ADAM12: variants seen among roughly 807,000 people sequenced by gnomAD.
ADAM12 encodes ADAM metallopeptidase domain 12.
A neutral mutation model predicts 106.4 loss-of-function variants in ADAM12; 70 were observed. The ratio of observed to expected loss-of-function variants is 0.66; its 90% CI spans 0.54 to 0.80. The LOEUF (loss-of-function observed/expected upper bound fraction) is 0.80, where lower values mean the gene tolerates loss of function less well. Ranked by LOEUF, ADAM12 falls within the 30% of genes least tolerant of loss-of-function variation. The pLI is 0.00. For synonymous variants in ADAM12, 420 were observed against 433.5 expected (o/e 0.97, Z 0.39); for missense variants, 1,010 against 1,171.9 (o/e 0.86, Z 2.02).
intron 5 of ADAM12, among the ~76,000 whole-genome samples, chr10:126,119,597 GA>G (rs1354398541): frequency 6.6e-6 from 1 of 152,120 alleles, no homozygotes; most frequent in East Asian, 1.9e-4. Context: ...ACATTTCTGG[GA>G]ATGACAATAA....
chr10:126,144,619 G>T (rs1056683094), intron 4 of ADAM12, among the ~76,000 whole-genome samples: 1 of 152,164 alleles, frequency 6.6e-6, no homozygotes, highest in African/African-American at 2.4e-5. Context: ...ATGCACACGG[G>T]GGGGTTAGCA....
At chr10:126,375,225 G>A (rs1435559235) in intron 1 of ADAM12, among the ~76,000 whole-genome samples, 1 of 151,218 alleles carries the variant, frequency 6.6e-6, no homozygotes, top group East Asian at 1.9e-4. Flanking sequence ...ATCCAGAAGT[G>A]GAAGTGGTTT....
At chr10:126,121,121 AG>A (rs369879708) in intron 5 of ADAM12, among the ~76,000 whole-genome samples, 5 of 36,452 alleles carry the variant, frequency 1.4e-4, no homozygotes, top group Non-Finnish European at 2.6e-4. Flanking sequence ...GTATATATAT[AG>A]TATATATACT....
intron 3 of ADAM12, among the ~76,000 whole-genome samples, chr10:126,248,270 A>G (rs1029458913): frequency 6.6e-6 from 1 of 152,200 alleles, no homozygotes; most frequent in African/African-American, 2.4e-5. Flanking sequence ...CTCGGAATGA[A>G]CAAATGAACT....
chr10:126,020,018 C>T (rs911927236), intron 21 of ADAM12, among the ~76,000 whole-genome samples, 193 bp from the exon 22 acceptor site: 3 of 152,134 alleles, frequency 2.0e-5, no homozygotes, highest in Admixed American at 6.5e-5. Flanking sequence ...ATCCATGGAT[C>T]GTAGTTATAA....
chr10:126,198,299 G>A (rs771455179), intron 3 of ADAM12, among the ~76,000 whole-genome samples: 1 of 152,200 alleles, frequency 6.6e-6, no homozygotes, highest in Non-Finnish European at 1.5e-5. Context: ...GGGAGGTCAC[G>A]CTATCAGGAA....
intron 1 of ADAM12, among the ~76,000 whole-genome samples, chr10:126,355,814 T>C (rs1179674915): frequency 6.6e-6 from 1 of 152,150 alleles, no homozygotes; most frequent in African/African-American, 2.4e-5. Context: ...CAGATACTGG[T>C]GATATCTCTG....
At chr10:126,156,534 C>T (rs376575187) in intron 3 of ADAM12, among the ~76,000 whole-genome samples, 7 of 152,320 alleles carry the variant, frequency 4.6e-5, no homozygotes, top group African/African-American at 1.7e-4. Flanking sequence ...CCCTGAGGAG[C>T]GTAATTTCAT....
At chr10:126,018,821 T>G (rs548040804) in intron 22 of ADAM12, among the ~76,000 whole-genome samples, 1 of 152,162 alleles carries the variant, frequency 6.6e-6, no homozygotes, top group Non-Finnish European at 1.5e-5. Context: ...TTGTCCCTGT[T>G]TTCCCAGTGT....
chr10:126,042,202 T>C, intron 18 of ADAM12: 6 of 1,613,832 alleles, frequency 3.7e-6, no homozygotes, highest in Non-Finnish European at 5.1e-6. Flanking sequence ...CTGGCCGCGC[T>C]CCCTGTTGGA....
chr10:126,109,924 A>C (rs1955839834), intron 6 of ADAM12, 84 bp from the exon 7 acceptor site: 1 of 1,373,224 alleles, frequency 7.3e-7, no homozygotes, highest in East Asian at 2.3e-5. Context: ...TAAACACTTT[A>C]GGTTGAGAAT....
chr10:126,360,021 G>C (rs955210527), intron 1 of ADAM12, among the ~76,000 whole-genome samples: 5 of 152,202 alleles, frequency 3.3e-5, no homozygotes, highest in African/African-American at 1.2e-4. Flanking sequence ...AAGATGCCAA[G>C]GTTTGGGGCT....
intron 3 of ADAM12, among the ~76,000 whole-genome samples, chr10:126,263,221 G>A (rs951847073): frequency 2.0e-5 from 3 of 152,212 alleles, no homozygotes; most frequent in African/African-American, 7.2e-5. Context: ...TCTGGTTAAA[G>A]TGAGAACATA....
intron 1 of ADAM12, among the ~76,000 whole-genome samples, chr10:126,375,443 G>A (rs1019518625): frequency 1.3e-5 from 2 of 151,946 alleles, no homozygotes; most frequent in Non-Finnish European, 2.9e-5. Context: ...AAAACAGGAG[G>A]CACAATGAAG....
intron 4 of ADAM12, among the ~76,000 whole-genome samples, chr10:126,144,882 C>T (rs1956597099): frequency 6.6e-6 from 1 of 152,166 alleles, no homozygotes; most frequent in African/African-American, 2.4e-5. Context: ...TTCATCGTCA[C>T]ATCCCACAGC....
intron 2 of ADAM12, among the ~76,000 whole-genome samples, chr10:126,299,059 T>A (rs1590749609): frequency 6.6e-6 from 1 of 152,272 alleles, no homozygotes; most frequent in East Asian, 1.9e-4. Context: ...GCTTGGAGAT[T>A]GTAGGAAGGA....
Position 126,039,288 on chromosome 10 carries a change from G to A in ADAM12, c.2240+6C>T, listed in dbSNP as rs1954117079. 1 of 1,613,580 alleles carries A rather than the reference G, an allele frequency of 6.2e-7. No homozygotes were observed. The highest frequency in any genetic ancestry group is 8.5e-7 in the Non-Finnish European group (1 of 1,179,722). On this transcript the variant is annotated splice_donor_region_variant and intron_variant, in intron 19 of 22. Transcript: ENST00000448723. Reference sequence around the variant, plus strand: ...TAGAACAGATGACAAGCTAAACCCAGGGTACCTTAGTTTTTCAATGGTGGT... The same window carrying A: ...TAGAACAGATGACAAGCTAAACCCAAGGTACCTTAGTTTTTCAATGGTGGT...
chr10:126,290,355 C>T (rs1175500262), intron 2 of ADAM12, among the ~76,000 whole-genome samples: 19 of 152,060 alleles, frequency 1.2e-4, no homozygotes, highest in Non-Finnish European at 1.5e-5. Flanking sequence ...CCAACCATGC[C>T]CACTGGGCTT....
rs1565033431 is a variant in ADAM12, at chr10:126,071,526, C to T, written c.1274G>A (p.Gly425Glu). 6.2e-7 allele frequency: 1 copy of T among 1,614,160 alleles called. No individual in the cohort carries two copies. Among genetic ancestry groups the T allele is most frequent in the Non-Finnish European group, 8.5e-7 (1 of 1,180,032 alleles). The change falls in exon 12 of 23, where the codon GGG (glycine) becomes GAG (glutamate). Residue 425 changes from glycine to glutamate, a missense_variant. Coordinates refer to ENST00000448723, the MANE Select transcript of ADAM12 (RefSeq NM_001288973.2). ...CTCTCCTTCTTCCACAAATCTGTTC[C>T]CACACTTCTGGCCCCCGAAAGACTC... The part of the protein sequence containing the change: ...VRESFGGQKC[G>E]NRFVEEGEEC...
Sources: gnomAD v4.1 joint callset for allele counts (sites outside exome capture counted in the v4.1 genomes callset) on GRCh38, gnomAD v4.1.1 for gene constraint, MANE v1.5 for transcripts, NCBI Gene and HGNC (gene_info 2026-07-23, HGNC 2026-07-21) for gene names.